MLLT10: variants seen among roughly 807,000 people sequenced by gnomAD.
The protein encoded by MLLT10 is MLLT10 histone lysine methyltransferase DOT1L cofactor.
A neutral mutation model predicts 129.1 loss-of-function variants in MLLT10; 30 were observed. The ratio of observed to expected loss-of-function variants is 0.23; its 90% confidence interval spans 0.17 to 0.32. The LOEUF is 0.32. MLLT10 is among the 10% of genes least tolerant of loss of function. The probability of loss-of-function intolerance (pLI) is 1.00; values close to 1 mark genes in which losing one functional copy is unlikely to be tolerated. For missense variants in MLLT10, 1,119 were observed against 1,268.3 expected (o/e 0.88, Z 1.79); for synonymous variants, 490 against 446.4 (o/e 1.10, Z -1.23).
chr10:21,697,787 A>G (rs1465884028), intron 13 of MLLT10, among the ~76,000 whole-genome samples: 1 of 152,224 alleles, frequency 6.6e-6, no homozygotes, highest in Non-Finnish European at 1.5e-5. Flanking sequence ...CAGTCTAGAA[A>G]GGGAAAGCCA....
chr10:21,593,121 T>C (rs577137691), intron 4 of MLLT10, among the ~76,000 whole-genome samples: 123 of 150,762 alleles, frequency 8.2e-4, no homozygotes, highest in African/African-American at 2.8e-3. Context: ...TGTCTTGAGA[T>C]AGGGTCTCTA....
chr10:21,540,322 A>T (rs949962290), intron 3 of MLLT10, among the ~76,000 whole-genome samples: 1 of 151,862 alleles, frequency 6.6e-6, no homozygotes, highest in Non-Finnish European at 1.5e-5. Context: ...TGAGGGAGCC[A>T]GAGGTTGCAG....
chr10:21,701,311 AG>A (rs1283696189), intron 13 of MLLT10, among the ~76,000 whole-genome samples: 1 of 124,940 alleles, frequency 8.0e-6, no homozygotes, highest in East Asian at 2.3e-4. Flanking sequence ...TGAGAGGGAG[AG>A]GGGGTCTCTG....
intron 8 of MLLT10, among the ~76,000 whole-genome samples, chr10:21,634,095 C>A (rs2047241711): frequency 6.6e-6 from 1 of 152,106 alleles, no homozygotes; most frequent in South Asian, 2.1e-4. Flanking sequence ...CAAAAACTAG[C>A]CGAGTGACGT....
At chr10:21,710,722 T>C (rs1410412445) in intron 13 of MLLT10, among the ~76,000 whole-genome samples, 1 of 152,224 alleles carries the variant, frequency 6.6e-6, no homozygotes, top group Non-Finnish European at 1.5e-5. Context: ...TGATTTCATT[T>C]ATAGGATACC....
chr10:21,591,835 C>T lies in MLLT10; in HGVS notation c.296-3496C>T, dbSNP rs1371238677. 4.0e-5 allele frequency among the ~76,000 whole-genome samples: 6 copies of T among 151,856 alleles called. No homozygotes were observed. In the East Asian group the frequency reaches 9.7e-4, roughly 24 times the overall value. On this transcript the variant is annotated intron_variant, in intron 4 of 22. Transcript: ENST00000307729. ...ACCTCCCAGGTTCAAGCAGTCCTGC[C>T]TCAGCCTCCTGAGTAGCTGGGACTA...
chr10:21,561,575 G>A (rs2038811263), intron 3 of MLLT10, among the ~76,000 whole-genome samples: 1 of 151,944 alleles, frequency 6.6e-6, no homozygotes, highest in Non-Finnish European at 1.5e-5. Context: ...TAGCTCTTAA[G>A]TTTAGGTGTT....
At chr10:21,674,250 A>T (rs1229385409) in intron 11 of MLLT10, among the ~76,000 whole-genome samples, 1 of 151,660 alleles carries the variant, frequency 6.6e-6, no homozygotes. Context: ...TTTTTTTTTT[A>T]ATGCAGAATT....
intron 9 of MLLT10, 43 bp from the exon 10 acceptor site, chr10:21,670,406 G>A: frequency 6.5e-7 from 1 of 1,548,168 alleles, no homozygotes; most frequent in Admixed American, 2.0e-5. Context: ...TAACTAAAAT[G>A]TAATCAACTC....
In MLLT10 at chr10:21,563,030, G is replaced by C. The variant is rs184222135; in HGVS notation, c.241-23264G>C. Among the ~76,000 whole-genome samples, 188 of 151,834 alleles carry C rather than the reference G, an allele frequency of 1.2e-3. 1 individual carries two copies. The highest frequency in any genetic ancestry group is 4.3e-3 in the African/African-American group (178 of 41,462). On this transcript the variant is annotated intron_variant, in intron 3 of 22. Transcript: ENST00000307729. ...GACAGGGTTTCTCCATGTTGGTCAG[G>C]CTGGTCTTGAACTCCCAACCTCAGG...
chr10:21,689,663 T>TATATA (rs1351475704), intron 13 of MLLT10, among the ~76,000 whole-genome samples: 58 of 139,702 alleles, frequency 4.2e-4, no homozygotes, highest in African/African-American at 1.4e-3. Context: ...ATATATATAT[T>TATATA]TTTTTTTTCT....
chr10:21,542,488 C>T (rs1439252826), intron 3 of MLLT10, among the ~76,000 whole-genome samples: 1 of 152,118 alleles, frequency 6.6e-6, no homozygotes, highest in Non-Finnish European at 1.5e-5. Context: ...GAGATCCGCC[C>T]GAACCCGGGA....
chr10:21,613,550 A>G (rs957890607), intron 6 of MLLT10, among the ~76,000 whole-genome samples: 4 of 152,212 alleles, frequency 2.6e-5, no homozygotes, highest in African/African-American at 9.6e-5. Flanking sequence ...GGAATGTTAA[A>G]AGTGTGAAAG....
At chr10:21,646,793 A>G (rs1024630783) in intron 8 of MLLT10, among the ~76,000 whole-genome samples, 1 of 152,020 alleles carries the variant, frequency 6.6e-6, no homozygotes, top group African/African-American at 2.4e-5. Flanking sequence ...TACATATGTA[A>G]TCTGTGAACT....
intron 8 of MLLT10, among the ~76,000 whole-genome samples, chr10:21,650,694 T>C (rs2048935794): frequency 6.6e-6 from 1 of 152,154 alleles, no homozygotes; most frequent in East Asian, 1.9e-4. Context: ...AATGTAGTGA[T>C]TCAAACAACA....
chr10:21,695,631 A>G (rs1460750928), intron 13 of MLLT10, among the ~76,000 whole-genome samples: 1 of 152,156 alleles, frequency 6.6e-6, no homozygotes, highest in Non-Finnish European at 1.5e-5. Flanking sequence ...AGGGCAGTCT[A>G]AATGTTTGTA....
intron 13 of MLLT10, among the ~76,000 whole-genome samples, chr10:21,703,757 G>A (rs2055155810): frequency 6.6e-6 from 1 of 151,882 alleles, no homozygotes; most frequent in Admixed American, 6.6e-5. Context: ...TGTTGATCAG[G>A]CTGGTCTCGA....
chr10:21,707,507 A>C (rs780630100), intron 13 of MLLT10, among the ~76,000 whole-genome samples: 2 of 152,090 alleles, frequency 1.3e-5, no homozygotes, highest in Admixed American at 6.5e-5. Flanking sequence ...AGATGATTCT[A>C]ATTTCTAGAT....
Position 21,742,050 on chromosome 10 carries a change from T to G in MLLT10, c.*67T>G. On this transcript the variant is annotated 3_prime_UTR_variant, in exon 23 of 23. Transcript: ENST00000307729. ...GCACTTCATCTGGCTGCCTTTGCAG[T>G]CCTTTTACTACAGCTATGAAGAAAC... 7.0e-7 allele frequency: 1 copy of G among 1,420,768 alleles called. No homozygotes were observed. The highest frequency in any genetic ancestry group is 1.4e-5 in the African/African-American group (1 of 70,498). The allele number at this position is 1,420,768 out of a possible 1,614,324, so 88.0% of individuals were successfully genotyped here. A position where few individuals can be genotyped will look rare whatever the true frequency, so the allele number is the denominator to read the frequency against.
Sources: gnomAD v4.1 joint callset for allele counts (sites outside exome capture counted in the v4.1 genomes callset) on GRCh38, gnomAD v4.1.1 for gene constraint, MANE v1.5 for transcripts, NCBI Gene and HGNC (gene_info 2026-07-23, HGNC 2026-07-21) for gene names.